The following COLEC12 variants were observed in gnomAD, a reference collection of about 807,000 sequenced individuals.
COLEC12 encodes collectin-12.
COLEC12 carries 33 observed loss-of-function variants against 71.1 expected under a neutral mutation model. The observed-to-expected ratio is 0.46, with a 90% CI of 0.35 to 0.62. COLEC12 has a LOEUF of 0.62. COLEC12 is among the 20% of genes least tolerant of loss of function. The probability of loss-of-function intolerance (pLI) is 0.00; values close to 1 mark genes in which losing one functional copy is unlikely to be tolerated. For missense variants in COLEC12, 765 were observed against 916.1 expected, an observed-to-expected ratio of 0.84 and a Z score of 2.13; for synonymous variants, 350 against 353.0, an observed-to-expected ratio of 0.99 and a Z score of 0.10.
At chr18:453,268 A>G (rs1916797812) in intron 2 of COLEC12, among the ~76,000 whole-genome samples, 1 of 152,202 alleles carries the variant, frequency 6.6e-6, no homozygotes, top group Non-Finnish European at 1.5e-5. Flanking sequence ...GACAAGAGGC[A>G]CTCCTGGCCA....
chr18:495,187 A>G (rs933099731), intron 1 of COLEC12, among the ~76,000 whole-genome samples: 6 of 152,220 alleles, frequency 3.9e-5, no homozygotes, highest in Non-Finnish European at 7.3e-5. Context: ...GCACTGAAAA[A>G]GAAATCAAAT....
chr18:425,516 C>A (rs935635413), intron 2 of COLEC12, among the ~76,000 whole-genome samples: 1 of 152,158 alleles, frequency 6.6e-6, no homozygotes, highest in Admixed American at 6.5e-5. Context: ...CTGAGAGTCC[C>A]CCCAGGCTGA....
At chr18:429,402 GAC>G (rs546984431) in intron 2 of COLEC12, among the ~76,000 whole-genome samples, 68 of 147,424 alleles carry the variant, frequency 4.6e-4, no homozygotes, top group African/African-American at 1.6e-3. Flanking sequence ...TTTTTTTTAA[GAC>G]AGTGTCTCAC....
chr18:378,906 C>T (rs925469678), intron 2 of COLEC12, among the ~76,000 whole-genome samples: 24 of 152,024 alleles, frequency 1.6e-4, no homozygotes, highest in African/African-American at 4.6e-4. Flanking sequence ...CTTCCCAGTT[C>T]TTTCTTTCCA....
At chr18:456,053 G>A (rs1002863710) in intron 2 of COLEC12, among the ~76,000 whole-genome samples, 1 of 152,174 alleles carries the variant, frequency 6.6e-6, no homozygotes, top group Non-Finnish European at 1.5e-5. Context: ...TCAGGTGGTA[G>A]GACAAAGCAC....
At chr18:416,525 G>C (rs896319389) in intron 2 of COLEC12, among the ~76,000 whole-genome samples, 3 of 152,184 alleles carry the variant, frequency 2.0e-5, no homozygotes, top group Admixed American at 6.5e-5. Context: ...GGAATTCCAT[G>C]ACTCATTGAA....
chr18:338,984 A>ATTTTTTTTTTTTTTTTTTTTTTTTTTTTT (rs33991062), intron 5 of COLEC12, among the ~76,000 whole-genome samples: 1 of 144,488 alleles, frequency 6.9e-6, no homozygotes, highest in Non-Finnish European at 1.5e-5. Context: ...TATTGTCTTA[A>ATTTTTTTTTTTTTTTTTTTTTTTTTTTTT]TTTTTTTTTT....
intron 2 of COLEC12, among the ~76,000 whole-genome samples, chr18:445,093 A>C (rs1251948624): frequency 6.6e-6 from 1 of 152,128 alleles, no homozygotes; most frequent in Non-Finnish European, 1.5e-5. Flanking sequence ...GAAGTTTGGC[A>C]CTCTGGGGTG....
At chr18:435,665 G>T (rs1450464501) in intron 2 of COLEC12, among the ~76,000 whole-genome samples, 1 of 152,108 alleles carries the variant, frequency 6.6e-6, no homozygotes, top group African/African-American at 2.4e-5. Context: ...GGCTTTTTCT[G>T]ACTATCCAGA....
chr18:370,084 T>G (rs1914967924), intron 2 of COLEC12, among the ~76,000 whole-genome samples: 1 of 152,176 alleles, frequency 6.6e-6, no homozygotes, highest in Non-Finnish European at 1.5e-5. Context: ...CATAAATGAC[T>G]GTAAAAGCAG....
intron 2 of COLEC12, among the ~76,000 whole-genome samples, chr18:461,378 T>C (rs1181459369): frequency 6.6e-6 from 1 of 152,182 alleles, no homozygotes; most frequent in Non-Finnish European, 1.5e-5. Context: ...TTTTTTAAAA[T>C]TTAAAAATTT....
intron 7 of COLEC12, among the ~76,000 whole-genome samples, chr18:332,770 G>C (rs775921568): frequency 5.3e-5 from 8 of 152,164 alleles, no homozygotes; most frequent in African/African-American, 1.9e-4. Context: ...ACCAGAAGGA[G>C]CCACACATCT....
At chr18:339,494 G>A (rs185516487) in intron 5 of COLEC12, among the ~76,000 whole-genome samples, 39 of 152,268 alleles carry the variant, frequency 2.6e-4, no homozygotes, top group African/African-American at 3.1e-4. Flanking sequence ...CGTTTTTGCC[G>A]TTGATAAAGA....
At chr18:460,446 G>A (rs547700007) in intron 2 of COLEC12, among the ~76,000 whole-genome samples, 57 of 152,176 alleles carry the variant, frequency 3.7e-4, no homozygotes, top group Non-Finnish European at 1.2e-4. Context: ...CTTTAGTCAA[G>A]CTAAATTATG....
chr18:386,284 G>GTAAC, intron 2 of COLEC12, among the ~76,000 whole-genome samples: 1 of 152,266 alleles, frequency 6.6e-6, no homozygotes, highest in Non-Finnish European at 1.5e-5. Context: ...AAGTCATGTT[G>GTAAC]TAACCATACA....
intron 2 of COLEC12, among the ~76,000 whole-genome samples, chr18:401,496 T>A (rs1396383240): frequency 2.7e-5 from 4 of 149,566 alleles, no homozygotes; most frequent in Non-Finnish European, 5.9e-5. Context: ...GCTTCTCAGT[T>A]GCCTGTGAAA....
chr18:414,814 C>T (rs1239477483), intron 2 of COLEC12, among the ~76,000 whole-genome samples: 1 of 152,140 alleles, frequency 6.6e-6, no homozygotes, highest in Non-Finnish European at 1.5e-5. Context: ...GCCTGCAGAC[C>T]ACAGCAAACA....
At chr18:351,301 T>C (rs1914515962) in intron 3 of COLEC12, among the ~76,000 whole-genome samples, 1 of 152,128 alleles carries the variant, frequency 6.6e-6, no homozygotes, top group Admixed American at 6.5e-5. Flanking sequence ...CCCTGTTTTT[T>C]TTTTTTACTG....
Position 404,716 on chromosome 18 carries a change from T to C in COLEC12, c.59-47194A>G, listed in dbSNP as rs978362129. 7.9e-5 allele frequency among the ~76,000 whole-genome samples: 12 copies of C among 152,248 alleles called. 1 individual carries two copies. Among genetic ancestry groups the C allele is most frequent in the Admixed American group, 7.8e-4 (12 of 15,292 alleles). ...TCCTGTTATCTTCATAAGCTGAGGA[T>C]GTACGTCACCTCAAGACCACTGTGA... On this transcript the variant is annotated intron_variant, in intron 2 of 9. Transcript: ENST00000400256.
Sources: gnomAD v4.1 joint callset for allele counts (sites outside exome capture counted in the v4.1 genomes callset) on GRCh38, gnomAD v4.1.1 for gene constraint, MANE v1.5 for transcripts, NCBI Gene and HGNC (gene_info 2026-07-23, HGNC 2026-07-21) for gene names.